Variants in RBFOX1 observed in about 807,000 individuals in gnomAD.
The protein encoded by RBFOX1 is RNA binding protein fox-1 homolog 1.
Under a neutral mutation model 57.7 loss-of-function variants are expected in RBFOX1, and 8 were observed. The ratio of observed to expected loss-of-function variants is 0.14; its 90% CI spans 0.08 to 0.25. The LOEUF is 0.25. RBFOX1 is among the 10% of genes least tolerant of loss of function. The pLI is 1.00. For synonymous variants in RBFOX1, 326 were observed against 222.4 expected (o/e 1.47, Z -4.15); for missense variants, 611 against 548.5 (o/e 1.11, Z -1.14).
intron 4 of RBFOX1, among the ~76,000 whole-genome samples, chr16:7,397,212 G>C (rs1045609608): frequency 2.0e-5 from 3 of 152,300 alleles, no homozygotes; most frequent in African/African-American, 7.2e-5. Flanking sequence ...TGTAGTAACA[G>C]GAAGAGATTT....
At chr16:5,402,510 G>C (rs896717377) in intron 1 of RBFOX1, among the ~76,000 whole-genome samples, 3 of 152,174 alleles carry the variant, frequency 2.0e-5, no homozygotes, top group African/African-American at 7.2e-5. Flanking sequence ...AAACAATGGA[G>C]GCTACTGTCT....
At chr16:7,200,966 C>T (rs555102359) in intron 4 of RBFOX1, among the ~76,000 whole-genome samples, 6 of 152,272 alleles carry the variant, frequency 3.9e-5, no homozygotes, top group African/African-American at 1.2e-4. Flanking sequence ...CCCTGAACTT[C>T]TTGTATGGGA....
intron 1 of RBFOX1, among the ~76,000 whole-genome samples, chr16:5,363,199 ATTT>A (rs533158906): frequency 8.2e-6 from 1 of 121,740 alleles, no homozygotes. Context: ...GCCCCTGGCT[ATTT>A]TTTTTTTTTT....
chr16:5,356,485 G>C (rs1425501896), intron 1 of RBFOX1, among the ~76,000 whole-genome samples: 1 of 152,136 alleles, frequency 6.6e-6, no homozygotes, highest in African/African-American at 2.4e-5. Flanking sequence ...GAGGACCATT[G>C]GTTGCTTGTG....
intron 5 of RBFOX1, among the ~76,000 whole-genome samples, chr16:7,571,407 A>T (rs2092760536): frequency 6.6e-6 from 1 of 152,176 alleles, no homozygotes; most frequent in Non-Finnish European, 1.5e-5. Context: ...ATTGGTCGAT[A>T]TCAAAATCCA....
chr16:5,326,509 A>G (rs1284028823), intron 1 of RBFOX1, among the ~76,000 whole-genome samples: 1 of 152,198 alleles, frequency 6.6e-6, no homozygotes, highest in African/African-American at 2.4e-5. Context: ...CATTTCAGAT[A>G]GGCTGTGACC....
intron 3 of RBFOX1, among the ~76,000 whole-genome samples, chr16:6,978,072 C>T (rs1299737082): frequency 5.9e-5 from 9 of 151,918 alleles, no homozygotes; most frequent in Admixed American, 3.9e-4. Context: ...GTACCCCGCC[C>T]CCCTTCATGT....
At chr16:7,127,231 T>C (rs2068832173) in intron 4 of RBFOX1, among the ~76,000 whole-genome samples, 1 of 152,186 alleles carries the variant, frequency 6.6e-6, no homozygotes, top group South Asian at 2.1e-4. Flanking sequence ...TTATTCAGCA[T>C]TCTCCATACT....
intron 2 of RBFOX1, among the ~76,000 whole-genome samples, chr16:5,497,166 G>C (rs2043026727): frequency 6.6e-6 from 1 of 152,162 alleles, no homozygotes; most frequent in Admixed American, 6.5e-5. Flanking sequence ...AGCTGGGATG[G>C]TAATTTTCAG....
chr16:6,787,517 C>G (rs1441788037), intron 3 of RBFOX1, among the ~76,000 whole-genome samples: 2 of 152,130 alleles, frequency 1.3e-5, no homozygotes, highest in African/African-American at 4.8e-5. Flanking sequence ...GTATGCTGGG[C>G]AATAGAAATT....
intron 2 of RBFOX1, among the ~76,000 whole-genome samples, chr16:5,596,538 A>C (rs1476588382): frequency 6.6e-6 from 1 of 152,132 alleles, no homozygotes; most frequent in African/African-American, 2.4e-5. Flanking sequence ...TGGGCAAGGT[A>C]CTGGGTCACC....
At chr16:7,482,738 G>T (rs910988119) in intron 4 of RBFOX1, among the ~76,000 whole-genome samples, 1 of 151,706 alleles carries the variant, frequency 6.6e-6, no homozygotes, top group South Asian at 2.1e-4. Context: ...CTTCCTGGGC[G>T]TATTTGCTTA....
At chr16:7,110,849 G>T (rs568847913) in intron 4 of RBFOX1, among the ~76,000 whole-genome samples, 2 of 152,206 alleles carry the variant, frequency 1.3e-5, no homozygotes, top group South Asian at 4.1e-4. Flanking sequence ...TATATAACTG[G>T]TAAAGAATAT....
chr16:5,786,454 A>G (rs193284278), intron 3 of RBFOX1, among the ~76,000 whole-genome samples: 194 of 152,262 alleles, frequency 1.3e-3, no homozygotes, highest in African/African-American at 4.4e-3. Context: ...CAGAGTTGAA[A>G]TAGTGACAAG....
chr16:7,110,187 CAAA>C (rs59148096), intron 4 of RBFOX1, among the ~76,000 whole-genome samples: 69,856 of 135,088 alleles, frequency 0.52, 18,101 homozygotes, highest in South Asian at 0.67. Context: ...CCCCGTGTCT[CAAA>C]AAAAAAAAAA....
chr16:7,568,890 A>AAT (rs1454831545), intron 5 of RBFOX1, among the ~76,000 whole-genome samples: 2 of 150,822 alleles, frequency 1.3e-5, no homozygotes, highest in East Asian at 3.9e-4. Context: ...CTCAAAAAAA[A>AAT]AAAAAAAAAA....
chr16:7,282,185 G>A (rs1056787295), intron 4 of RBFOX1, among the ~76,000 whole-genome samples: 5 of 152,132 alleles, frequency 3.3e-5, no homozygotes, highest in African/African-American at 1.2e-4. Flanking sequence ...GTCTGAAAAG[G>A]GAGGACAGAA....
At position 5,955,366 on chromosome 16, in the gene RBFOX1, TAAAA is replaced by T. The variant is rs1567187946; in HGVS notation, c.351+88032_351+88035del. 7.6e-4 allele frequency among the ~76,000 whole-genome samples: 30 copies of T among 39,386 alleles called. 4 individuals are homozygous for T. Among genetic ancestry groups the T allele is most frequent in the African/African-American group, 5.6e-3 (30 of 5,382 alleles). The allele number at this position is 39,386 out of a possible 152,430, so 25.8% of individuals were successfully genotyped here. A position where few individuals can be genotyped will look rare whatever the true frequency, so the allele number is the denominator to read the frequency against. On this transcript the variant is annotated intron_variant, in intron 4 of 19. Transcript: ENST00000641259. ...TAAAATAAAATAAATAAAAATAAAA[TAAAA>T]TAAAATAAAATAAAATAAAATAAAA...
At chr16:6,878,758 AC>A (rs1208111970) in intron 3 of RBFOX1, among the ~76,000 whole-genome samples, 3 of 152,280 alleles carry the variant, frequency 2.0e-5, no homozygotes, top group African/African-American at 7.2e-5. Flanking sequence ...GAGTTTAAGG[AC>A]CCTGACAATC....
Sources: allele counts gnomAD v4.1 joint callset (sites outside exome capture counted in the v4.1 genomes callset), GRCh38; gene constraint gnomAD v4.1.1; transcripts MANE v1.5; gene names NCBI Gene and HGNC (gene_info 2026-07-23, HGNC 2026-07-21).